Variants in METTL16 observed in about 807,000 individuals in gnomAD.
The protein encoded by METTL16 is methyltransferase 16, RNA N6-adenosine.
In METTL16, 19 loss-of-function variants were observed where a neutral mutation model predicts 57.9. That is an observed-to-expected ratio of 0.33 (90% confidence interval 0.23 to 0.48). The LOEUF (loss-of-function observed/expected upper bound fraction) is 0.48, where lower values mean the gene tolerates loss of function less well. METTL16 is among the 20% of genes least tolerant of loss of function. The pLI, the probability that METTL16 is intolerant of heterozygous loss-of-function variation, is 0.99. For synonymous variants in METTL16, 246 were observed against 255.6 expected, an observed-to-expected ratio of 0.96 and a Z score of 0.36; for missense variants, 434 against 691.5, an observed-to-expected ratio of 0.63 and a Z score of 4.18.
rs1243349834 is a variant in METTL16, at chr17:2,419,931, A to T, written c.*39T>A. ...GCCACCCCACAGGCCACTCCAAAGC[A>T]AGTTACTATCAACACGTTTCCAACT... is the stretch of plus-strand genomic sequence containing the variant. On this transcript the variant is annotated 3_prime_UTR_variant, in exon 10 of 10. Transcript: ENST00000263092. 2 of 1,605,090 alleles carry T rather than the reference A, an allele frequency of 1.2e-6. No individual in the cohort carries two copies. Among genetic ancestry groups the T allele is most frequent in the Admixed American group, 1.7e-5 (1 of 59,640 alleles).
rs369019256 is a variant in METTL16, at chr17:2,441,496, T to C, written c.792A>G (p.Ile264Met). ...SLAPLKEELR[I>M]QGVPKVTYTE... ...AGTAATGAGGAAGCCTCACCCCTTG[T>C]ATGCGAAGCTCCTCCTTCAGAGGCG... is the stretch of plus-strand genomic sequence containing the variant. The change falls in exon 7 of 10, where the codon ATA becomes ATG. Residue 264 changes from isoleucine to methionine, a missense_variant. By Grantham distance (10) the Ile-to-Met change is conservative. Transcript: ENST00000263092. 3.8e-6 allele frequency: 6 copies of C among 1,596,070 alleles called. No individual in the cohort carries two copies. The highest frequency in any genetic ancestry group is 5.1e-6 in the Non-Finnish European group (6 of 1,169,742).
intron 4 of METTL16, among the ~76,000 whole-genome samples, chr17:2,468,725 T>C (rs2067217605): frequency 1.3e-5 from 2 of 151,992 alleles, no homozygotes; most frequent in African/African-American, 4.8e-5. Context: ...TACAAAAATT[T>C]TAAAAATAAG....
intron 2 of METTL16, among the ~76,000 whole-genome samples, chr17:2,481,569 G>C (rs1403288686): frequency 5.9e-5 from 9 of 151,980 alleles, no homozygotes; most frequent in Admixed American, 5.9e-4. Context: ...TTATGAGAGT[G>C]AATTTTATAG....
chr17:2,487,853 T>A (rs1215060218), intron 2 of METTL16, among the ~76,000 whole-genome samples: 1 of 151,468 alleles, frequency 6.6e-6, no homozygotes, highest in East Asian at 1.9e-4. Flanking sequence ...AAAAAAATTT[T>A]AAATTAGCCA....
At chr17:2,510,186 G>A (rs1014884333) in intron 1 of METTL16, among the ~76,000 whole-genome samples, 1 of 152,166 alleles carries the variant, frequency 6.6e-6, no homozygotes, top group African/African-American at 2.4e-5. Context: ...CCAATTTATG[G>A]GGGACATGTG....
At chr17:2,447,831 C>T (rs2067020224) in intron 6 of METTL16, among the ~76,000 whole-genome samples, 1 of 105,860 alleles carries the variant, frequency 9.4e-6, no homozygotes, top group Admixed American at 8.2e-5. Context: ...CCTGGCCAGC[C>T]GCCCCATCCG....
chr17:2,419,419 T>C lies in METTL16; in HGVS notation c.*551A>G, dbSNP rs1179345961. On this transcript the variant is annotated 3_prime_UTR_variant, in exon 10 of 10. Coordinates refer to ENST00000263092, the MANE Select transcript of METTL16 (RefSeq NM_024086.4). The stretch of plus-strand genomic sequence containing the variant: ...CCGGGTGGTCCCCAGACTCTGCTGC[T>C]CCTTCCCAGCATTACTAAGGTTTCT... 3 of 315,976 alleles carry C rather than the reference T, an allele frequency of 9.5e-6. No homozygotes were observed. The highest frequency in any genetic ancestry group is 2.2e-5 in the African/African-American group (1 of 45,812). The allele number at this position is 315,976 out of a possible 1,614,324, so 19.6% of individuals were successfully genotyped here.
intron 6 of METTL16, among the ~76,000 whole-genome samples, chr17:2,442,916 C>T (rs1259403752): frequency 6.6e-6 from 1 of 151,776 alleles, no homozygotes; most frequent in African/African-American, 2.4e-5. Context: ...CCACCTCCGC[C>T]TTCCGGGTTG....
chr17:2,468,760 G>A (rs896489494), intron 4 of METTL16, among the ~76,000 whole-genome samples: 2 of 152,094 alleles, frequency 1.3e-5, no homozygotes, highest in Admixed American at 6.6e-5. Flanking sequence ...ATGGTGGTAC[G>A]AGCCTGTAAT....
chr17:2,447,098 G>A (rs1414894877), intron 6 of METTL16, among the ~76,000 whole-genome samples: 2 of 145,006 alleles, frequency 1.4e-5, no homozygotes, highest in Non-Finnish European at 3.0e-5. Flanking sequence ...AAAGTGAGGA[G>A]CGTCTCTGCC....
intron 1 of METTL16, among the ~76,000 whole-genome samples, chr17:2,510,538 T>C (rs1259169291): frequency 6.6e-6 from 1 of 152,234 alleles, no homozygotes; most frequent in Non-Finnish European, 1.5e-5. Context: ...TTATTCAACT[T>C]TTCTGGTCAG....
chr17:2,444,017 A>G (rs1443254435), intron 6 of METTL16, among the ~76,000 whole-genome samples: 3 of 152,234 alleles, frequency 2.0e-5, no homozygotes, highest in Non-Finnish European at 4.4e-5. Context: ...AAAAGATTAG[A>G]CTTAAAATGT....
rs774201832 is a variant in METTL16, at chr17:2,419,689, C to T, written c.*281G>A. ...CAGAGGCAGTCCAGAGCTGAGGGGC[C>T]AGCTTGAGCCAGCTTGCAATCCCTC... On this transcript the variant is annotated 3_prime_UTR_variant, in exon 10 of 10. Transcript: ENST00000263092. The T allele has an allele frequency of 1.6e-5, 10 of 606,796 alleles. No individual in the cohort carries two copies. The highest frequency in any genetic ancestry group is 2.5e-5 in the Non-Finnish European group (8 of 324,486). The allele number at this position is 606,796 out of a possible 1,614,324, so 37.6% of individuals were successfully genotyped here. A position where few individuals can be genotyped will look rare whatever the true frequency, so the allele number is the denominator to read the frequency against.
chr17:2,427,422 G>T (rs147191606), intron 8 of METTL16, among the ~76,000 whole-genome samples: 1 of 152,080 alleles, frequency 6.6e-6, no homozygotes, highest in Non-Finnish European at 1.5e-5. Flanking sequence ...GAGTGGAAAC[G>T]TTCCAAATGA....
At chr17:2,499,294 A>G (rs1367426711) in intron 2 of METTL16, among the ~76,000 whole-genome samples, 2 of 151,072 alleles carry the variant, frequency 1.3e-5, no homozygotes, top group Non-Finnish European at 2.9e-5. Context: ...GTACAATAGT[A>G]AGTATAGAGA....
intron 8 of METTL16, among the ~76,000 whole-genome samples, chr17:2,424,612 C>T (rs117147259): frequency 0.019 from 2,844 of 152,100 alleles, 40 homozygotes; most frequent in Non-Finnish European, 0.027. Context: ...CATCTCAGGA[C>T]GGTCTTCAAT....
intron 2 of METTL16, among the ~76,000 whole-genome samples, chr17:2,487,833 GTC>G (rs1402119897): frequency 6.6e-6 from 1 of 151,564 alleles, no homozygotes; most frequent in Non-Finnish European, 1.5e-5. Flanking sequence ...AAGAGACCCT[GTC>G]TCTACAAAAA....
rs117187564 is a variant in METTL16 at position 2,468,058 on chromosome 17, T to G, written c.470-182A>C. On this transcript the variant is annotated intron_variant, in intron 4 of 9. Transcript: ENST00000263092. The stretch of plus-strand genomic sequence containing the variant: ...ATATGCTTAGATAGACAAATACCAT[T>G]GTGCTAAAATGGCCTTCAGTATTCA... 5.3e-5 allele frequency among the ~76,000 whole-genome samples: 8 copies of G among 152,358 alleles called. No homozygotes were observed. In the East Asian group the frequency reaches 1.5e-3, roughly 29 times the overall value.
intron 6 of METTL16, among the ~76,000 whole-genome samples, chr17:2,448,834 C>A: frequency 1.8e-5 from 2 of 113,898 alleles, no homozygotes; most frequent in Non-Finnish European, 3.8e-5. Context: ...AAAGAGCATC[C>A]TGGCCAACAT....
Sources: allele counts gnomAD v4.1 joint callset (sites outside exome capture counted in the v4.1 genomes callset), GRCh38; gene constraint gnomAD v4.1.1; transcripts MANE v1.5; gene names NCBI Gene and HGNC (gene_info 2026-07-23, HGNC 2026-07-21).